Variants in HEMK2 observed in about 807,000 individuals in gnomAD.
The protein encoded by HEMK2 is HemK methyltransferase 2, ETF1 glutamine and histone H4 lysine, also known as methyltransferase HEMK2.
chr21:28,614,486 T>C, the HEMK2 span, among the ~76,000 whole-genome samples: 1 of 152,110 alleles, frequency 6.6e-6, no homozygotes, highest in Non-Finnish European at 1.5e-5. Context: ...ATAAAAAGCT[T>C]TCCAGAAGTT....
chr21:28,877,037 AGGG>A, the HEMK2 span, among the ~76,000 whole-genome samples: 2 of 12,058 alleles, frequency 1.7e-4, no homozygotes, highest in Non-Finnish European at 1.8e-4. Flanking sequence ...GGAAGGAAGG[AGGG>A]AGGGAGGGAG....
chr21:28,744,464 G>C, the HEMK2 span, among the ~76,000 whole-genome samples: 1 of 152,180 alleles, frequency 6.6e-6, no homozygotes, highest in East Asian at 1.9e-4. Flanking sequence ...GTCTGTGGAA[G>C]GGTAGAACCT....
At chr21:28,872,982 T>A in the HEMK2 span, 1 of 152,246 alleles carries the variant, frequency 6.6e-6, no homozygotes, top group African/African-American at 2.4e-5. Flanking sequence ...CCCTGTGGCC[T>A]ATTCAAGTTG....
At chr21:28,771,036 A>C in the HEMK2 span, among the ~76,000 whole-genome samples, 8 of 152,208 alleles carry the variant, frequency 5.3e-5, no homozygotes, top group East Asian at 1.2e-3. Flanking sequence ...ACTTACTGGA[A>C]TTTATAGAGC....
At chr21:28,729,906 AC>A in the HEMK2 span, among the ~76,000 whole-genome samples, 1 of 152,136 alleles carries the variant, frequency 6.6e-6, no homozygotes, top group African/African-American at 2.4e-5. Flanking sequence ...ATAATGCAAA[AC>A]ACACGTGGAG....
At chr21:28,831,555 G>GA in the HEMK2 span, among the ~76,000 whole-genome samples, 1 of 85,232 alleles carries the variant, frequency 1.2e-5, no homozygotes, top group South Asian at 3.5e-4. Context: ...AAGAAGGAAA[G>GA]AAGGAAAGAA....
the HEMK2 span, among the ~76,000 whole-genome samples, chr21:28,776,757 G>A: frequency 6.6e-6 from 1 of 152,150 alleles, no homozygotes; most frequent in Non-Finnish European, 1.5e-5. Flanking sequence ...GAAGAACTTG[G>A]AGTCCAATGT....
At chr21:28,806,246 T>C in the HEMK2 span, among the ~76,000 whole-genome samples, 1 of 152,196 alleles carries the variant, frequency 6.6e-6, no homozygotes, top group Non-Finnish European at 1.5e-5. Context: ...CAGATAATTA[T>C]GGAATTGTGG....
At chr21:28,715,725 TCCACAA>T in the HEMK2 span, among the ~76,000 whole-genome samples, 1 of 152,218 alleles carries the variant, frequency 6.6e-6, no homozygotes, top group Non-Finnish European at 1.5e-5. Flanking sequence ...AAGGCTTATG[TCCACAA>T]GAGTATTTCC....
At chr21:28,678,121 C>A in the HEMK2 span, among the ~76,000 whole-genome samples, 28 of 152,092 alleles carry the variant, frequency 1.8e-4, no homozygotes, top group Non-Finnish European at 3.5e-4. Flanking sequence ...AGTTTGAACC[C>A]ATGGCAAAGA....
At chr21:28,861,531 G>A in the HEMK2 span, among the ~76,000 whole-genome samples, 1 of 152,088 alleles carries the variant, frequency 6.6e-6, no homozygotes, top group Non-Finnish European at 1.5e-5. Context: ...TCCCCTTGAG[G>A]AAGGACCCCA....
the HEMK2 span, among the ~76,000 whole-genome samples, chr21:28,705,703 G>C: frequency 1.5e-4 from 23 of 152,206 alleles, 1 homozygote; most frequent in South Asian, 4.6e-3. Context: ...GTCCAACAAG[G>C]CTCTCGCTGG....
the HEMK2 span, among the ~76,000 whole-genome samples, chr21:28,823,146 T>G: frequency 6.6e-6 from 1 of 152,238 alleles, no homozygotes; most frequent in Non-Finnish European, 1.5e-5. Context: ...GTGATTGCTA[T>G]AGGCCTTTGC....
chr21:28,608,337 C>T, the HEMK2 span, among the ~76,000 whole-genome samples: 70 of 143,920 alleles, frequency 4.9e-4, no homozygotes, highest in Non-Finnish European at 8.3e-4. Context: ...TTTGTATATT[C>T]AAGTAAACTA....
chr21:28,773,391 C>T, the HEMK2 span, among the ~76,000 whole-genome samples: 1 of 152,146 alleles, frequency 6.6e-6, no homozygotes, highest in East Asian at 1.9e-4. Flanking sequence ...CTAATACATA[C>T]TAGGCATCTT....
the HEMK2 span, among the ~76,000 whole-genome samples, chr21:28,877,324 GAAAAA>G: frequency 7.6e-6 from 1 of 132,422 alleles, no homozygotes; most frequent in Non-Finnish European, 1.6e-5. Flanking sequence ...GAGAAAGAAA[GAAAAA>G]GAAAGAAGGA....
chr21:28,851,424 A>G, the HEMK2 span, among the ~76,000 whole-genome samples: 1 of 152,220 alleles, frequency 6.6e-6, no homozygotes, highest in Non-Finnish European at 1.5e-5. Context: ...TAAATCGGCC[A>G]GAGTAACACA....
the HEMK2 span, among the ~76,000 whole-genome samples, chr21:28,696,279 C>T: frequency 6.6e-6 from 1 of 152,174 alleles, no homozygotes; most frequent in Non-Finnish European, 1.5e-5. Flanking sequence ...CACAGCCAAA[C>T]CACAACCGGG....
At chr21:28,856,429 G>T in the HEMK2 span, among the ~76,000 whole-genome samples, 88 of 151,378 alleles carry the variant, frequency 5.8e-4, 1 homozygote, top group Non-Finnish European at 8.4e-4. Context: ...AAAAAAAAAA[G>T]AATAATAATA....
Sources: allele counts gnomAD v4.1 joint callset (sites outside exome capture counted in the v4.1 genomes callset), GRCh38; gene constraint gnomAD v4.1.1; transcripts MANE v1.5; gene names NCBI Gene and HGNC (gene_info 2026-07-23, HGNC 2026-07-21).